Variants in SEMA3E observed in about 807,000 individuals in gnomAD.
SEMA3E encodes semaphorin-3E.
In SEMA3E, 49 loss-of-function variants were observed where a neutral mutation model predicts 93.6. The observed-to-expected ratio is 0.52, with a 90% confidence interval of 0.42 to 0.66. The LOEUF is 0.66. Among genes scored for constraint, SEMA3E ranks in the 30% least tolerant of loss-of-function variants. The pLI, the probability that SEMA3E is intolerant of heterozygous loss-of-function variation, is 0.00. For synonymous variants in SEMA3E, 363 were observed against 330.7 expected, an observed-to-expected ratio of 1.10 and a Z score of -1.06; for missense variants, 906 against 964.8, an observed-to-expected ratio of 0.94 and a Z score of 0.81.
Position 83,532,718 on chromosome 7 carries a change from T to C in SEMA3E, c.116-42444A>G, listed in dbSNP as rs1584313697. Among the ~76,000 whole-genome samples the C allele has an allele frequency of 2.0e-5, 3 of 151,902 alleles. No individual in the cohort carries two copies. In the South Asian group the frequency reaches 6.2e-4, roughly 32 times the overall value. ...ACCAAAAAAAAAGGGCAGATAATTT[T>C]ATATGATCTTGAAGTCTTTTCCAGT... On this transcript the variant is annotated intron_variant, in intron 1 of 16. Coordinates refer to ENST00000643230, the MANE Select transcript of SEMA3E (RefSeq NM_012431.3).
At chr7:83,567,856 C>G (rs575940394) in intron 1 of SEMA3E, among the ~76,000 whole-genome samples, 1 of 151,342 alleles carries the variant, frequency 6.6e-6, no homozygotes, top group Non-Finnish European at 1.5e-5. Context: ...ACTAAAAAAG[C>G]AATATTAAAC....
chr7:83,635,694 A>C (rs140721611), intron 1 of SEMA3E, among the ~76,000 whole-genome samples: 1 of 152,014 alleles, frequency 6.6e-6, no homozygotes, highest in African/African-American at 2.4e-5. Context: ...TGAAATTTTC[A>C]TAAGTTCTTT....
chr7:83,401,684 CTT>C (rs966103509), intron 10 of SEMA3E, among the ~76,000 whole-genome samples: 2 of 152,064 alleles, frequency 1.3e-5, no homozygotes, highest in Admixed American at 1.3e-4. Context: ...AGCTTTAACA[CTT>C]GTTAATGGAA....
chr7:83,510,692 A>G (rs1466083140), intron 1 of SEMA3E, among the ~76,000 whole-genome samples: 2 of 152,172 alleles, frequency 1.3e-5, no homozygotes, highest in African/African-American at 4.8e-5. Flanking sequence ...ACCTGGCAAA[A>G]GTTGAGATAG....
intron 1 of SEMA3E, among the ~76,000 whole-genome samples, chr7:83,520,476 A>G (rs140926135): frequency 6.6e-6 from 1 of 152,100 alleles, no homozygotes; most frequent in Non-Finnish European, 1.5e-5. Flanking sequence ...CTCTACTACC[A>G]CTGCTACTTC....
intron 5 of SEMA3E, among the ~76,000 whole-genome samples, chr7:83,416,984 TACAC>T (rs71522659): frequency 0.21 from 23,506 of 113,582 alleles, 1,962 homozygotes; most frequent in East Asian, 0.32. Context: ...ACTCTGTTTA[TACAC>T]ACACACACAC....
chr7:83,394,960 T>G (rs1002359235), intron 12 of SEMA3E, among the ~76,000 whole-genome samples: 5 of 152,156 alleles, frequency 3.3e-5, no homozygotes, highest in Non-Finnish European at 7.3e-5. Context: ...CACAATAAAC[T>G]CAGATCAGCT....
At chr7:83,568,764 C>T (rs1348108555) in intron 1 of SEMA3E, among the ~76,000 whole-genome samples, 2 of 152,054 alleles carry the variant, frequency 1.3e-5, no homozygotes, top group African/African-American at 2.4e-5. Flanking sequence ...CAGCTAATAT[C>T]TTACAGAATG....
chr7:83,476,489 A>C (rs554642755), intron 2 of SEMA3E, among the ~76,000 whole-genome samples: 1 of 152,318 alleles, frequency 6.6e-6, no homozygotes, highest in South Asian at 2.1e-4. Flanking sequence ...GGACCCTCCA[A>C]AGGAATAACA....
chr7:83,620,051 T>G (rs1793518975), intron 1 of SEMA3E, among the ~76,000 whole-genome samples: 1 of 151,964 alleles, frequency 6.6e-6, no homozygotes, highest in Admixed American at 6.6e-5. Flanking sequence ...AAATGATCTA[T>G]TCTTTATTTA....
intron 4 of SEMA3E, among the ~76,000 whole-genome samples, chr7:83,436,162 T>C (rs1391627460): frequency 6.6e-6 from 1 of 151,848 alleles, no homozygotes; most frequent in Non-Finnish European, 1.5e-5. Context: ...TGTTTTATAG[T>C]AGTTCTCTAA....
At chr7:83,422,797 A>T (rs1394473895) in intron 4 of SEMA3E, among the ~76,000 whole-genome samples, 1 of 152,218 alleles carries the variant, frequency 6.6e-6, no homozygotes, top group Non-Finnish European at 1.5e-5. Context: ...GTATTTATTC[A>T]AATAATTTTA....
At chr7:83,458,086 T>A (rs1415247712) in intron 4 of SEMA3E, among the ~76,000 whole-genome samples, 2 of 151,532 alleles carry the variant, frequency 1.3e-5, no homozygotes, top group Non-Finnish European at 2.9e-5. Flanking sequence ...GATATTTAGA[T>A]AATTATGTGG....
In SEMA3E at chr7:83,394,879, C is replaced by T. The variant is rs557073861; in HGVS notation, c.1459-541G>A. ...TCTTAGAACTGCACCAGAGGAAGGA[C>T]AATTTATACCATAGCTTTGGGAACC... On this transcript the variant is annotated intron_variant, in intron 12 of 16. Coordinates refer to ENST00000643230, the MANE Select transcript of SEMA3E (RefSeq NM_012431.3). Among the ~76,000 whole-genome samples, 183 of 152,192 alleles carry T rather than the reference C, an allele frequency of 1.2e-3. 1 individual carries two copies. Among genetic ancestry groups the T allele is most frequent in the African/African-American group, 4.3e-3 (178 of 41,530 alleles).
At chr7:83,540,412 C>T (rs181906290) in intron 1 of SEMA3E, among the ~76,000 whole-genome samples, 1 of 152,232 alleles carries the variant, frequency 6.6e-6, no homozygotes, top group Admixed American at 6.5e-5. Flanking sequence ...ATATATTAAG[C>T]TAAGACATTG....
Position 83,487,449 on chromosome 7 carries a change from A to G in SEMA3E, c.276+2665T>C, listed in dbSNP as rs181117152. Among the ~76,000 whole-genome samples, 86 of 152,266 alleles carry G rather than the reference A, an allele frequency of 5.6e-4. 3 individuals carry two copies. In the East Asian group the frequency reaches 0.013, roughly 23 times the overall value. On this transcript the variant is annotated intron_variant, in intron 2 of 16. Transcript: ENST00000643230. ...TTATAGGTTATTCTAATATTCACAT[A>G]TTAACAATTTTAATATGGGGATCAA...
chr7:83,444,377 C>T (rs904866923), intron 4 of SEMA3E, among the ~76,000 whole-genome samples: 1 of 152,108 alleles, frequency 6.6e-6, no homozygotes, highest in Admixed American at 6.5e-5. Context: ...GTCCTCCCTC[C>T]TTTGTCAACC....
At chr7:83,625,127 G>T (rs1793644345) in intron 1 of SEMA3E, among the ~76,000 whole-genome samples, 1 of 152,144 alleles carries the variant, frequency 6.6e-6, no homozygotes, top group Non-Finnish European at 1.5e-5. Flanking sequence ...GGTTACTGTA[G>T]CCTTGCAGTA....
chr7:83,412,834 G>A (rs1330811582), intron 5 of SEMA3E, among the ~76,000 whole-genome samples: 3 of 150,486 alleles, frequency 2.0e-5, no homozygotes, highest in Admixed American at 6.6e-5. Context: ...AATATCAAAC[G>A]AAAGAAAAGG....
Sources: gnomAD v4.1 joint callset for allele counts (sites outside exome capture counted in the v4.1 genomes callset) on GRCh38, gnomAD v4.1.1 for gene constraint, MANE v1.5 for transcripts, NCBI Gene and HGNC (gene_info 2026-07-23, HGNC 2026-07-21) for gene names.